Variants in KCNG3 observed in about 807,000 individuals in gnomAD.
The protein encoded by KCNG3 is potassium voltage-gated channel modifier subfamily G member 3.
Under a neutral mutation model 29.0 loss-of-function variants are expected in KCNG3, and 15 were observed. That is an observed-to-expected ratio of 0.52 (90% CI 0.35 to 0.80). The LOEUF (loss-of-function observed/expected upper bound fraction) is 0.80, where lower values mean the gene tolerates loss of function less well. Among genes scored for constraint, KCNG3 ranks in the 30% least tolerant of loss-of-function variants. The probability of loss-of-function intolerance (pLI) is 0.01; values close to 1 mark genes in which losing one functional copy is unlikely to be tolerated. For synonymous variants in KCNG3, 322 were observed against 248.9 expected (o/e 1.29, Z -2.76); for missense variants, 512 against 605.7 (o/e 0.85, Z 1.62).
chr2:42,475,757 A>G (rs1373311985), intron 1 of KCNG3, among the ~76,000 whole-genome samples: 1 of 152,190 alleles, frequency 6.6e-6, no homozygotes, highest in Non-Finnish European at 1.5e-5. Flanking sequence ...GAATATTACA[A>G]AATTCAGTAT....
intron 1 of KCNG3, among the ~76,000 whole-genome samples, chr2:42,490,637 C>A (rs1341944521): frequency 1.3e-5 from 2 of 152,174 alleles, no homozygotes; most frequent in African/African-American, 4.8e-5. Flanking sequence ...ATATTTGGAA[C>A]ACCAGCAGTG....
the KCNG3 span, among the ~76,000 whole-genome samples, chr2:42,389,215 C>A: frequency 6.6e-6 from 1 of 152,140 alleles, no homozygotes; most frequent in Non-Finnish European, 1.5e-5. Flanking sequence ...ACCTTGCCGG[C>A]CCCATGTAGA....
intron 1 of KCNG3, among the ~76,000 whole-genome samples, chr2:42,487,153 T>A (rs1216329274): frequency 1.4e-4 from 16 of 117,672 alleles, no homozygotes; most frequent in Middle Eastern, 4.7e-3. Flanking sequence ...CAAGACTCTG[T>A]CTCAAAAAAA....
At chr2:42,427,674 A>G in the KCNG3 span, among the ~76,000 whole-genome samples, 4 of 152,338 alleles carry the variant, frequency 2.6e-5, no homozygotes, top group East Asian at 1.9e-4. Context: ...AATGCATAAG[A>G]TATTTTTTAG....
intron 1 of KCNG3, among the ~76,000 whole-genome samples, chr2:42,452,502 A>G (rs1672785426): frequency 6.6e-6 from 1 of 151,258 alleles, no homozygotes; most frequent in Non-Finnish European, 1.5e-5. Context: ...CATTAACCAT[A>G]CCCACTTCCC....
chr2:42,491,983 C>G (rs1673889568), intron 1 of KCNG3, among the ~76,000 whole-genome samples: 1 of 152,180 alleles, frequency 6.6e-6, no homozygotes, highest in Admixed American at 6.5e-5. Context: ...ATTCCTCCCA[C>G]TGAATATGCT....
the KCNG3 span, among the ~76,000 whole-genome samples, chr2:42,395,953 C>CA: frequency 3.5e-4 from 51 of 147,136 alleles, no homozygotes; most frequent in Admixed American, 1.2e-3. Flanking sequence ...AACCTTGTTT[C>CA]AAAAAAAAAA....
At chr2:42,418,838 C>T in the KCNG3 span, among the ~76,000 whole-genome samples, 1 of 152,174 alleles carries the variant, frequency 6.6e-6, no homozygotes, top group South Asian at 2.1e-4. Flanking sequence ...AAAATCACAC[C>T]ACAGGAAGCT....
At chr2:42,475,644 T>C (rs1216953409) in intron 1 of KCNG3, among the ~76,000 whole-genome samples, 4 of 148,558 alleles carry the variant, frequency 2.7e-5, no homozygotes, top group Admixed American at 2.0e-4. Context: ...ACTCTGTCTC[T>C]TTAAAAAAAA....
intron 1 of KCNG3, among the ~76,000 whole-genome samples, chr2:42,468,798 C>CA (rs1236219874): frequency 1.3e-5 from 2 of 151,160 alleles, no homozygotes; most frequent in African/African-American, 4.9e-5. Flanking sequence ...ACTAAAAATA[C>CA]AAAAAAATTA....
At chr2:42,458,422 C>A (rs1268106739) in intron 1 of KCNG3, among the ~76,000 whole-genome samples, 2 of 152,154 alleles carry the variant, frequency 1.3e-5, no homozygotes. Flanking sequence ...ACAGAGGTAC[C>A]AGATTCACAT....
the KCNG3 span, among the ~76,000 whole-genome samples, chr2:42,405,470 ACT>A: frequency 6.9e-6 from 1 of 145,284 alleles, no homozygotes; most frequent in East Asian, 2.0e-4. Flanking sequence ...ACGGCGTCTC[ACT>A]CTGTTTCCCA....
chr2:42,429,543 A>G, the KCNG3 span, among the ~76,000 whole-genome samples: 1 of 152,326 alleles, frequency 6.6e-6, no homozygotes, highest in South Asian at 2.1e-4. Context: ...CTTTCTCATC[A>G]TGTCGAATCA....
At chr2:42,492,504 GT>G (rs1673908446) in intron 1 of KCNG3, among the ~76,000 whole-genome samples, 1 of 152,204 alleles carries the variant, frequency 6.6e-6, no homozygotes, top group Admixed American at 6.5e-5. Context: ...AACAATAAAA[GT>G]TCAGAAAAAT....
chr2:42,400,074 A>G, the KCNG3 span, among the ~76,000 whole-genome samples: 2 of 152,172 alleles, frequency 1.3e-5, no homozygotes, highest in African/African-American at 4.8e-5. Context: ...ACACCACTGC[A>G]CTCAAGTGTG....
intron 1 of KCNG3, among the ~76,000 whole-genome samples, chr2:42,467,667 CAA>C (rs58517605): frequency 1.7e-4 from 20 of 120,436 alleles, no homozygotes; most frequent in Admixed American, 1.7e-4. Flanking sequence ...GACTCTGTTT[CAA>C]AAAAAAAAAA....
chr2:42,472,109 C>T (rs1673304103), intron 1 of KCNG3, among the ~76,000 whole-genome samples: 1 of 152,116 alleles, frequency 6.6e-6, no homozygotes, highest in South Asian at 2.1e-4. Flanking sequence ...TACAGCAACT[C>T]CAATCCTAGG....
chr2:42,389,058 C>T, the KCNG3 span, among the ~76,000 whole-genome samples: 1 of 152,064 alleles, frequency 6.6e-6, no homozygotes, highest in Non-Finnish European at 1.5e-5. Flanking sequence ...GCTGGGATTA[C>T]AGGCACCTGC....
rs1210808896 is a variant in KCNG3, at chr2:42,477,388, T to TACACACAC, written c.665+15441_665+15448dup. On this transcript the variant is annotated intron_variant, in intron 1 of 1. Coordinates refer to ENST00000306078, the MANE Select transcript of KCNG3 (RefSeq NM_133329.6). ...ACATATATATACACACACATATATA[T>TACACACAC]ACACACACACACACACACACACACA... 6.5e-4 allele frequency among the ~76,000 whole-genome samples: 68 copies of TACACACAC among 104,782 alleles called. 1 individual carries two copies. The highest frequency in any genetic ancestry group is 2.2e-3 in the African/African-American group (55 of 25,320). 68.7% of individuals were successfully genotyped at this position (104,782 alleles called of 152,430 possible).
Sources: allele counts gnomAD v4.1 joint callset (sites outside exome capture counted in the v4.1 genomes callset), GRCh38; gene constraint gnomAD v4.1.1; transcripts MANE v1.5; gene names NCBI Gene and HGNC (gene_info 2026-07-23, HGNC 2026-07-21).